Variants in PRDM5 observed in about 807,000 individuals in gnomAD.
PRDM5 encodes the protein PR/SET domain 5.
PRDM5 carries 56 observed loss-of-function variants against 81.2 expected under a neutral mutation model. The ratio of observed to expected loss-of-function variants is 0.69; its 90% CI spans 0.56 to 0.86. PRDM5 has a LOEUF of 0.86. Ranked by LOEUF, PRDM5 falls within the 40% of genes least tolerant of loss-of-function variation. The pLI, the probability that PRDM5 is intolerant of heterozygous loss-of-function variation, is 0.00. For missense variants in PRDM5, 697 were observed against 770.1 expected (o/e 0.91, Z 1.12); for synonymous variants, 267 against 256.4 (o/e 1.04, Z -0.39).
chr4:120,834,381 T>G (rs1757102624), intron 3 of PRDM5, among the ~76,000 whole-genome samples: 1 of 152,120 alleles, frequency 6.6e-6, no homozygotes, highest in South Asian at 2.1e-4. Flanking sequence ...AGAGCTCCCT[T>G]ACTTTCTTGC....
rs758439816 is a variant in PRDM5, at chr4:120,692,903, C to A, written c.*2208G>T. On this transcript the variant is annotated 3_prime_UTR_variant, in exon 16 of 16. Coordinates refer to ENST00000264808, the MANE Select transcript of PRDM5 (RefSeq NM_018699.4). ...TAAGTAATTTAAAAGTTTTAGCAAG[C>A]AAATGCTAATATATCTGAAACTACC... 1 of 152,032 alleles carries A rather than the reference C, an allele frequency of 6.6e-6. No homozygotes were observed. The highest frequency in any genetic ancestry group is 6.6e-5 in the Admixed American group (1 of 15,242). 9.4% of individuals were successfully genotyped at this position (152,032 alleles called of 1,614,324 possible). A position where few individuals can be genotyped will look rare whatever the true frequency, so the allele number is the denominator to read the frequency against.
intron 7 of PRDM5, 95 bp downstream of exon 7, chr4:120,816,358 G>T (rs553747325): frequency 6.3e-7 from 1 of 1,599,786 alleles, no homozygotes; most frequent in South Asian, 1.1e-5. Flanking sequence ...CAATGGAAAA[G>T]CCAGCTCTCT....
intron 13 of PRDM5, among the ~76,000 whole-genome samples, chr4:120,756,784 A>C (rs866353791): frequency 1.3e-5 from 2 of 152,246 alleles, no homozygotes; most frequent in Non-Finnish European, 2.9e-5. Context: ...GATAATAAAC[A>C]AGGCTAAAAT....
chr4:120,829,466 A>T (rs28657657), intron 3 of PRDM5, among the ~76,000 whole-genome samples: 117 of 152,178 alleles, frequency 7.7e-4, no homozygotes, highest in African/African-American at 2.8e-3. Context: ...CACTAGGATA[A>T]ATCTATCCTA....
intron 2 of PRDM5, among the ~76,000 whole-genome samples, chr4:120,906,929 A>C (rs767198404): frequency 6.6e-6 from 1 of 151,512 alleles, no homozygotes; most frequent in Non-Finnish European, 1.5e-5. Context: ...TACCTGAAAA[A>C]CTTATTTTTC....
intron 3 of PRDM5, chr4:120,838,775 A>C (rs1167993808): frequency 6.2e-6 from 1 of 160,420 alleles, no homozygotes; most frequent in East Asian, 1.8e-4. Flanking sequence ...CCTTTGCCCA[A>C]ATTTTTGCTT....
chr4:120,834,427 T>G (rs969440935), intron 3 of PRDM5, among the ~76,000 whole-genome samples: 2 of 152,108 alleles, frequency 1.3e-5, no homozygotes, highest in Admixed American at 1.3e-4. Flanking sequence ...CAGCTGCCTA[T>G]GAAACAGGAA....
chr4:120,844,375 C>T (rs907869500), intron 3 of PRDM5, among the ~76,000 whole-genome samples: 3 of 152,180 alleles, frequency 2.0e-5, no homozygotes, highest in Non-Finnish European at 4.4e-5. Context: ...AGGACTACGG[C>T]AACTCTACAT....
intron 2 of PRDM5, among the ~76,000 whole-genome samples, chr4:120,890,693 G>A (rs540076117): frequency 2.0e-5 from 3 of 152,138 alleles, no homozygotes; most frequent in African/African-American, 7.2e-5. Context: ...ATCTCATTGT[G>A]GTTTTGATTT....
At chr4:120,901,050 G>T (rs1765173155) in intron 2 of PRDM5, among the ~76,000 whole-genome samples, 1 of 152,084 alleles carries the variant, frequency 6.6e-6, no homozygotes, top group South Asian at 2.1e-4. Context: ...GATAGATTAT[G>T]TACAAGCTTC....
At chr4:120,841,551 A>C (rs2149393460) in intron 3 of PRDM5, among the ~76,000 whole-genome samples, 1 of 152,372 alleles carries the variant, frequency 6.6e-6, no homozygotes, top group East Asian at 1.9e-4. Flanking sequence ...CCATTAAAAA[A>C]TAGTTTAAAA....
chr4:120,731,552 C>G (rs1177501950), intron 14 of PRDM5: 2 of 151,956 alleles, frequency 1.3e-5, no homozygotes, highest in African/African-American at 4.8e-5. Flanking sequence ...TTTTTAGTAA[C>G]AGAAAGTAAT....
chr4:120,700,885 A>T (rs1578580204), intron 15 of PRDM5, among the ~76,000 whole-genome samples: 1 of 152,222 alleles, frequency 6.6e-6, no homozygotes, highest in South Asian at 2.1e-4. Flanking sequence ...AGCACTTTGG[A>T]AGGCCAAGGT....
intron 2 of PRDM5, among the ~76,000 whole-genome samples, chr4:120,856,801 T>C (rs1398995716): frequency 1.3e-5 from 2 of 152,234 alleles, no homozygotes; most frequent in Middle Eastern, 3.2e-3. Context: ...CCTAGTACCA[T>C]GTTTCAGCAT....
chr4:120,701,731 C>A (rs1338299985), intron 15 of PRDM5, among the ~76,000 whole-genome samples: 1 of 152,070 alleles, frequency 6.6e-6, no homozygotes, highest in Non-Finnish European at 1.5e-5. Flanking sequence ...CAGTACCTGG[C>A]TGATGGGATC....
chr4:120,747,794 G>C (rs1265123551), intron 14 of PRDM5, among the ~76,000 whole-genome samples: 1 of 152,208 alleles, frequency 6.6e-6, no homozygotes, highest in South Asian at 2.1e-4. Context: ...TAATTTGGCT[G>C]TTTCTGCAAA....
chr4:120,737,637 A>G (rs553074333), intron 14 of PRDM5, among the ~76,000 whole-genome samples: 48 of 152,336 alleles, frequency 3.2e-4, no homozygotes, highest in Admixed American at 8.5e-4. Context: ...CATCTGATGA[A>G]TGCACGCACT....
intron 13 of PRDM5, among the ~76,000 whole-genome samples, chr4:120,766,703 T>C (rs1307842112): frequency 6.6e-6 from 1 of 152,206 alleles, no homozygotes; most frequent in African/African-American, 2.4e-5. Context: ...TCGGTTTAGT[T>C]CTAGCTGAAC....
chr4:120,776,509 GA>G (rs772471731), intron 13 of PRDM5, among the ~76,000 whole-genome samples: 168 of 152,218 alleles, frequency 1.1e-3, no homozygotes, highest in Non-Finnish European at 2.1e-3. Context: ...TCTAGGTACT[GA>G]AAAAAGTTTT....
Sources: allele counts gnomAD v4.1 joint callset (sites outside exome capture counted in the v4.1 genomes callset), GRCh38; gene constraint gnomAD v4.1.1; transcripts MANE v1.5; gene names NCBI Gene and HGNC (gene_info 2026-07-23, HGNC 2026-07-21).